Variants in MAPK6 observed in about 807,000 individuals in gnomAD.
MAPK6 encodes ERK-3.
Under a neutral mutation model 59.3 loss-of-function variants are expected in MAPK6, and 19 were observed. The observed-to-expected ratio is 0.32, with a 90% CI of 0.22 to 0.47. The LOEUF is 0.47. Among genes scored for constraint, MAPK6 ranks in the 20% least tolerant of loss-of-function variants. The pLI is 1.00. For synonymous variants in MAPK6, 316 were observed against 290.3 expected, an observed-to-expected ratio of 1.09 and a Z score of -0.90; for missense variants, 724 against 847.9, an observed-to-expected ratio of 0.85 and a Z score of 1.81.
rs2032426353 is a variant in MAPK6, at chr15:52,066,530, C to CCTT, written c.*1531_*1533dup. The stretch of plus-strand genomic sequence containing the variant: ...AATACATCTTTGCGTAAGAACTTAC[C>CCTT]CTTTTACCTATCCAGCTACAAAACC... On this transcript the variant is annotated 3_prime_UTR_variant, in exon 6 of 6. Coordinates refer to ENST00000261845, the MANE Select transcript of MAPK6 (RefSeq NM_002748.4). 6.6e-6 allele frequency: 1 copy of CCTT among 151,560 alleles called. No individual in the cohort carries two copies. Among genetic ancestry groups the CCTT allele is most frequent in the African/African-American group, 2.4e-5 (1 of 41,096 alleles). The allele number at this position is 151,560 out of a possible 1,614,324, so 9.4% of individuals were successfully genotyped here.
At chr15:52,038,385 C>T (rs191917733) in intron 1 of MAPK6, among the ~76,000 whole-genome samples, 1 of 152,296 alleles carries the variant, frequency 6.6e-6, no homozygotes, top group African/African-American at 2.4e-5. Flanking sequence ...GACCATGTGA[C>T]CTACTTTAGT....
intron 1 of MAPK6, among the ~76,000 whole-genome samples, chr15:52,037,161 G>GT (rs1445009267): frequency 6.6e-6 from 1 of 152,134 alleles, no homozygotes; most frequent in Non-Finnish European, 1.5e-5. Flanking sequence ...AAAGTTGAAC[G>GT]TGGTGTGTGC....
chr15:51,992,305 A>ATAT (rs572519819), intron 2 of MAPK6, among the ~76,000 whole-genome samples: 3,480 of 101,226 alleles, frequency 0.034, 219 homozygotes, highest in African/African-American at 0.11. Flanking sequence ...ATATATATAT[A>ATAT]TTTTTTTTTT....
Position 52,066,778 on chromosome 15 carries a change from G to A in MAPK6, c.*1778G>A, listed in dbSNP as rs1048582470. The A allele has an allele frequency of 9.9e-5, 11 of 111,156 alleles. No homozygotes were observed. The East Asian group carries it at 6.5e-3, about 65-fold the overall frequency. 6.9% of individuals were successfully genotyped at this position (111,156 alleles called of 1,614,324 possible). A position where few individuals can be genotyped will look rare whatever the true frequency, so the allele number is the denominator to read the frequency against. ...TATATATACACGTGTGTGTGTGTGT[G>A]TGTGTGTGTGTGTGTATATATATTC... On this transcript the variant is annotated 3_prime_UTR_variant, in exon 6 of 6. Coordinates refer to ENST00000261845, the MANE Select transcript of MAPK6 (RefSeq NM_002748.4).
At chr15:52,017,803 G>C (rs2030320061), upstream of MAPK6, 1 of 152,240 alleles carries the variant, frequency 6.6e-6, no homozygotes, top group Non-Finnish European at 1.5e-5. Context: ...AGAGTGAGAG[G>C]AAAAATGTCC....
chr15:52,038,294 ATGTTTTAAAAACATCT>A (rs1055791672), intron 1 of MAPK6, among the ~76,000 whole-genome samples: 1 of 152,180 alleles, frequency 6.6e-6, no homozygotes, highest in African/African-American at 2.4e-5. Flanking sequence ...TGTTTAAAAG[ATGTTTTAAAAACATCT>A]TGGTTCATTC....
At chr15:52,043,249 T>G (rs370069682) in intron 1 of MAPK6, among the ~76,000 whole-genome samples, 1 of 152,188 alleles carries the variant, frequency 6.6e-6, no homozygotes, top group Admixed American at 6.5e-5. Flanking sequence ...TAAAGCCCTT[T>G]TTAAAAATCT....
intron 1 of MAPK6, among the ~76,000 whole-genome samples, chr15:52,027,384 A>G (rs1044034090): frequency 7.2e-6 from 1 of 138,120 alleles, no homozygotes; most frequent in Non-Finnish European, 1.6e-5. Context: ...TGCCTGTCAC[A>G]TAATAGGTCC....
At chr15:51,988,037 AT>A (rs376375194) in intron 2 of MAPK6, among the ~76,000 whole-genome samples, 247 of 152,246 alleles carry the variant, frequency 1.6e-3, no homozygotes, top group African/African-American at 5.6e-3. Context: ...AAGTGCTAGG[AT>A]TACAGGCGTG....
At position 51,977,436 on chromosome 15, in the gene MAPK6, A is replaced by G. The variant is rs140662325; in HGVS notation, c.-880+5530A>G. 2.9e-3 allele frequency among the ~76,000 whole-genome samples: 447 copies of G among 152,018 alleles called. 4 individuals carry two copies. Among genetic ancestry groups the G allele is most frequent in the African/African-American group, 0.01 (431 of 41,558 alleles). On this transcript the variant is annotated intron_variant, in intron 1 of 7. Coordinates refer to the MAPK6 transcript ENST00000691380. ...TCCATGCTGTGAAAAAGCCCAAAGGAGGCCACACAGGGAGACCAAATGAAG... is the reference window on the plus strand; with the variant it reads ...TCCATGCTGTGAAAAAGCCCAAAGGGGGCCACACAGGGAGACCAAATGAAG...
chr15:51,973,924 T>A (rs1303236193), intron 1 of MAPK6, among the ~76,000 whole-genome samples: 1 of 151,924 alleles, frequency 6.6e-6, no homozygotes, highest in Non-Finnish European at 1.5e-5. Context: ...AGTGATGGAA[T>A]TACAGGCCTG....
chr15:52,017,576 G>C, upstream of MAPK6: 1 of 152,680 alleles, frequency 6.5e-6, no homozygotes, highest in East Asian at 1.9e-4. Context: ...CTTAGCTTGG[G>C]CTCAGAGGCC....
intron 1 of MAPK6, among the ~76,000 whole-genome samples, chr15:52,039,382 G>C (rs936919723): frequency 6.6e-6 from 1 of 152,122 alleles, no homozygotes; most frequent in East Asian, 1.9e-4. Flanking sequence ...AAACATAATG[G>C]CATGTGCTTT....
At chr15:52,049,260 A>T (rs2031699911) in intron 2 of MAPK6, among the ~76,000 whole-genome samples, 1 of 152,054 alleles carries the variant, frequency 6.6e-6, no homozygotes, top group Non-Finnish European at 1.5e-5. Context: ...TTCTGACTTG[A>T]AGCATACTTG....
At chr15:52,062,977 C>T (rs1052539860) in intron 5 of MAPK6, among the ~76,000 whole-genome samples, 1 of 152,086 alleles carries the variant, frequency 6.6e-6, no homozygotes, top group African/African-American at 2.4e-5. Context: ...TTTTTTTCCC[C>T]CTCCTCAAAT....
rs1175605375 is a variant in MAPK6 at position 52,065,693 on chromosome 15, G to GTATT, written c.*696_*699dup. ...ATTTTAGCAAATCAGTATATTTTCT[G>GTATT]TATTTAATTATAAAAAATTAACTTA... On this transcript the variant is annotated 3_prime_UTR_variant, in exon 6 of 6. Coordinates refer to ENST00000261845, the MANE Select transcript of MAPK6 (RefSeq NM_002748.4). 6.6e-6 allele frequency: 1 copy of GTATT among 152,434 alleles called. No individual in the cohort carries two copies. The highest frequency in any genetic ancestry group is 1.9e-4 in the East Asian group (1 of 5,204). The allele number at this position is 152,434 out of a possible 1,614,324, so 9.4% of individuals were successfully genotyped here.
In MAPK6 at chr15:52,067,075, T is replaced by C. The variant is rs953201510; in HGVS notation, c.*2075T>C. 6.6e-6 allele frequency: 1 copy of C among 152,142 alleles called. No individual in the cohort carries two copies. Among genetic ancestry groups the C allele is most frequent in the Non-Finnish European group, 1.5e-5 (1 of 68,004 alleles). 9.4% of individuals were successfully genotyped at this position (152,142 alleles called of 1,614,324 possible). A position where few individuals can be genotyped will look rare whatever the true frequency, so the allele number is the denominator to read the frequency against. The stretch of plus-strand genomic sequence containing the variant: ...AATTTTTTGCAAACGTATGTTGATT[T>C]TGAGAATAATTAGCTTTGACTCTAA... On this transcript the variant is annotated 3_prime_UTR_variant, in exon 6 of 6. Coordinates refer to ENST00000261845, the MANE Select transcript of MAPK6 (RefSeq NM_002748.4).
chr15:52,063,259 C>T (rs1437464890), intron 5 of MAPK6, among the ~76,000 whole-genome samples: 1 of 152,130 alleles, frequency 6.6e-6, no homozygotes, highest in East Asian at 1.9e-4. Flanking sequence ...GTGGGGGTTT[C>T]ACCATGTTGG....
intron 3 of MAPK6, among the ~76,000 whole-genome samples, chr15:52,053,545 T>G (rs1357417816): frequency 6.6e-6 from 1 of 152,136 alleles, no homozygotes; most frequent in African/African-American, 2.4e-5. Flanking sequence ...TTTTCTCCTA[T>G]TCTGCAGTTT....
Sources: gnomAD v4.1 joint callset for allele counts (sites outside exome capture counted in the v4.1 genomes callset) on GRCh38, gnomAD v4.1.1 for gene constraint, MANE v1.5 for transcripts, NCBI Gene and HGNC (gene_info 2026-07-23, HGNC 2026-07-21) for gene names.